CHODL: variants seen among roughly 807,000 people sequenced by gnomAD.
CHODL encodes chondrolectin, also known as transmembrane protein MT75.
A neutral mutation model predicts 34.5 loss-of-function variants in CHODL; 29 were observed. That is an observed-to-expected ratio of 0.84 (90% CI 0.63 to 1.15). The LOEUF (loss-of-function observed/expected upper bound fraction) is 1.15. Ranked by LOEUF, CHODL falls within the 50% of genes most tolerant of loss-of-function variation. The pLI is 0.00. For missense variants in CHODL, 332 were observed against 332.5 expected (o/e 1.00, Z 0.01); for synonymous variants, 125 against 116.1 (o/e 1.08, Z -0.49).
intron 2 of CHODL, among the ~76,000 whole-genome samples, chr21:18,096,431 G>T (rs1251575446): frequency 5.3e-5 from 8 of 152,172 alleles, no homozygotes; most frequent in African/African-American, 1.9e-4. Context: ...AAAGCGAATA[G>T]GAGAAATATT....
chr21:18,108,499 G>T (rs535157070), intron 2 of CHODL, among the ~76,000 whole-genome samples: 1 of 152,164 alleles, frequency 6.6e-6, no homozygotes, highest in South Asian at 2.1e-4. Context: ...ACAAACCACT[G>T]AATGATCAGC....
At chr21:18,136,566 AT>A (rs1387991999) in intron 2 of CHODL, among the ~76,000 whole-genome samples, 2 of 151,978 alleles carry the variant, frequency 1.3e-5, no homozygotes, top group Non-Finnish European at 2.9e-5. Flanking sequence ...AGAAGTAATT[AT>A]TTGGTACAAA....
intron 2 of CHODL, among the ~76,000 whole-genome samples, chr21:18,176,584 T>G (rs2073316963): frequency 6.6e-6 from 1 of 152,192 alleles, no homozygotes; most frequent in African/African-American, 2.4e-5. Flanking sequence ...TGTTTGAGTT[T>G]TTTGAAGCTT....
At chr21:17,988,040 C>G (rs1431890881) in intron 1 of CHODL, among the ~76,000 whole-genome samples, 1 of 143,748 alleles carries the variant, frequency 7.0e-6, no homozygotes, top group African/African-American at 2.7e-5. Context: ...TTATCTACTT[C>G]AAAAAAATCC....
chr21:18,263,901 C>CTTTTTTTTT (rs34968795), intron 5 of CHODL, among the ~76,000 whole-genome samples: 2 of 141,364 alleles, frequency 1.4e-5, no homozygotes, highest in African/African-American at 5.2e-5. Flanking sequence ...CATTAATAAC[C>CTTTTTTTTT]TTTTTTTTTT....
chr21:18,252,079 A>G (rs969949083), intron 1 of CHODL, among the ~76,000 whole-genome samples: 1 of 151,982 alleles, frequency 6.6e-6, no homozygotes, highest in Non-Finnish European at 1.5e-5. Flanking sequence ...AATTATCTTG[A>G]ATTTTATTTT....
chr21:18,129,500 C>T (rs369163307), intron 2 of CHODL, among the ~76,000 whole-genome samples: 1 of 151,924 alleles, frequency 6.6e-6, no homozygotes, highest in African/African-American at 2.4e-5. Flanking sequence ...ATGCAAGAGC[C>T]GCAGAGGAAA....
intron 1 of CHODL, among the ~76,000 whole-genome samples, chr21:17,959,871 T>C (rs1378746180): frequency 2.0e-5 from 3 of 152,204 alleles, no homozygotes; most frequent in Non-Finnish European, 4.4e-5. Context: ...TGTAATTATA[T>C]TTATAATTTT....
chr21:18,224,662 A>G (rs1485487948), intron 2 of CHODL, among the ~76,000 whole-genome samples: 1 of 152,120 alleles, frequency 6.6e-6, no homozygotes, highest in Non-Finnish European at 1.5e-5. Flanking sequence ...ATATGGATTT[A>G]TGTGTTCTTC....
chr21:18,022,756 A>C (rs2064139521), intron 1 of CHODL, among the ~76,000 whole-genome samples: 1 of 152,162 alleles, frequency 6.6e-6, no homozygotes, highest in Admixed American at 6.5e-5. Flanking sequence ...TTCTAAACTC[A>C]ATTCAACATG....
At chr21:18,112,256 A>T (rs1244270135) in intron 2 of CHODL, among the ~76,000 whole-genome samples, 2 of 152,176 alleles carry the variant, frequency 1.3e-5, no homozygotes, top group African/African-American at 2.4e-5. Flanking sequence ...GATGAAGGAA[A>T]TTGAAGGGGA....
chr21:17,931,084 T>G (rs2063268866), intron 1 of CHODL, among the ~76,000 whole-genome samples: 1 of 152,140 alleles, frequency 6.6e-6, no homozygotes, highest in African/African-American at 2.4e-5. Context: ...TGGAGCCCCC[T>G]CTCCAACTGC....
intron 2 of CHODL, among the ~76,000 whole-genome samples, chr21:18,049,884 A>G (rs1167212310): frequency 6.6e-6 from 1 of 151,976 alleles, no homozygotes; most frequent in Admixed American, 6.6e-5. Context: ...TTCAGCACAT[A>G]ACACCAATGT....
intron 1 of CHODL, among the ~76,000 whole-genome samples, chr21:18,003,242 C>G (rs2063928038): frequency 6.6e-6 from 1 of 151,550 alleles, no homozygotes; most frequent in African/African-American, 2.4e-5. Context: ...AATTGCTGCT[C>G]AGTACATGTC....
chr21:18,028,766 T>C (rs912575635), intron 2 of CHODL, among the ~76,000 whole-genome samples: 1 of 150,572 alleles, frequency 6.6e-6, no homozygotes, highest in Non-Finnish European at 1.5e-5. Context: ...GCTGGACAGT[T>C]ACTACTGCAT....
At chr21:18,210,636 A>C (rs1316425928) in intron 2 of CHODL, among the ~76,000 whole-genome samples, 2 of 152,166 alleles carry the variant, frequency 1.3e-5, no homozygotes, top group Non-Finnish European at 2.9e-5. Flanking sequence ...AGTCCAATCC[A>C]TTTATTGTAC....
At chr21:18,002,429 A>ACT (rs1368275995) in intron 1 of CHODL, among the ~76,000 whole-genome samples, 1 of 152,094 alleles carries the variant, frequency 6.6e-6, no homozygotes. Context: ...TTTCAAACAT[A>ACT]CTTCTCTCTT....
At chr21:18,044,582 A>G (rs1034604606) in intron 2 of CHODL, among the ~76,000 whole-genome samples, 2 of 151,934 alleles carry the variant, frequency 1.3e-5, no homozygotes. Context: ...CATTCTCCAG[A>G]CACACTGCCA....
intron 2 of CHODL, among the ~76,000 whole-genome samples, chr21:18,052,433 A>G (rs939554956): frequency 7.9e-5 from 12 of 152,000 alleles, no homozygotes; most frequent in African/African-American, 2.9e-4. Context: ...TTTCAACTCC[A>G]TAAAGCTTCA....
Sources: allele counts gnomAD v4.1 joint callset (sites outside exome capture counted in the v4.1 genomes callset), GRCh38; gene constraint gnomAD v4.1.1; transcripts MANE v1.5; gene names NCBI Gene and HGNC (gene_info 2026-07-23, HGNC 2026-07-21).